The following STK32B variants were observed in gnomAD, a reference collection of about 807,000 sequenced individuals.
STK32B encodes serine/threonine kinase 32B.
In STK32B, 43 loss-of-function variants were observed where a neutral mutation model predicts 52.6. That is an observed-to-expected ratio of 0.82 (90% confidence interval 0.64 to 1.05). The LOEUF is 1.05. Ranked by LOEUF, STK32B falls within the 50% of genes least tolerant of loss-of-function variation. The pLI is 0.00. For missense variants in STK32B, 621 were observed against 534.6 expected, an observed-to-expected ratio of 1.16 and a Z score of -1.59; for synonymous variants, 238 against 204.3, an observed-to-expected ratio of 1.17 and a Z score of -1.41.
intron 3 of STK32B, among the ~76,000 whole-genome samples, chr4:5,170,159 G>T (rs989811168): frequency 6.6e-6 from 1 of 152,156 alleles, no homozygotes; most frequent in Non-Finnish European, 1.5e-5. Context: ...ATACTGCTGA[G>T]ATGATTATCT....
chr4:5,278,778 TGGGAAGACCTCA>T (rs1489770578), intron 3 of STK32B, among the ~76,000 whole-genome samples: 1 of 152,114 alleles, frequency 6.6e-6, no homozygotes, highest in Non-Finnish European at 1.5e-5. Context: ...GAAGCATGGC[TGGGAAGACCTCA>T]GGAAGCTTAC....
At chr4:5,216,864 GCT>G (rs141809967) in intron 3 of STK32B, among the ~76,000 whole-genome samples, 6,766 of 152,280 alleles carry the variant, frequency 0.044, 151 homozygotes, top group African/African-American at 0.063. Context: ...GTCTTATTTG[GCT>G]CTGTTTCCAG....
chr4:5,283,524 G>T (rs897104931), intron 3 of STK32B, among the ~76,000 whole-genome samples: 9 of 151,988 alleles, frequency 5.9e-5, no homozygotes, highest in Non-Finnish European at 1.2e-4. Context: ...ATCCAAAGAG[G>T]AATTCACCAA....
At chr4:5,103,368 A>T (rs1467370400) in intron 1 of STK32B, among the ~76,000 whole-genome samples, 1 of 152,110 alleles carries the variant, frequency 6.6e-6, no homozygotes, top group African/African-American at 2.4e-5. Flanking sequence ...AATGTTATAT[A>T]ACCCAGAAGG....
intron 3 of STK32B, among the ~76,000 whole-genome samples, chr4:5,320,129 C>T (rs1279803883): frequency 6.6e-6 from 1 of 152,116 alleles, no homozygotes; most frequent in Non-Finnish European, 1.5e-5. Flanking sequence ...AATCCCTCCC[C>T]TTTTTTGATA....
intron 3 of STK32B, among the ~76,000 whole-genome samples, chr4:5,221,010 A>G (rs143000360): frequency 5.2e-4 from 79 of 152,254 alleles, no homozygotes; most frequent in African/African-American, 1.9e-3. Flanking sequence ...TATCTAACAT[A>G]ACTTAGTGTC....
At chr4:5,060,725 A>G (rs1366311211) in intron 1 of STK32B, among the ~76,000 whole-genome samples, 1 of 152,050 alleles carries the variant, frequency 6.6e-6, no homozygotes, top group Non-Finnish European at 1.5e-5. Context: ...TTCACTTTGT[A>G]CTTGTCTGAA....
At chr4:5,123,831 A>G (rs778404112) in intron 1 of STK32B, among the ~76,000 whole-genome samples, 2 of 125,574 alleles carry the variant, frequency 1.6e-5, no homozygotes, top group African/African-American at 2.9e-5. Context: ...AATTTGATCC[A>G]TGACAACTAT....
chr4:5,416,616 C>T (rs2109070951), intron 5 of STK32B, among the ~76,000 whole-genome samples: 1 of 152,304 alleles, frequency 6.6e-6, no homozygotes, highest in South Asian at 2.1e-4. Context: ...AAAAATGTAT[C>T]CTGCCCCTCA....
At chr4:5,463,653 A>G (rs1717209503) in intron 9 of STK32B, among the ~76,000 whole-genome samples, 1 of 151,968 alleles carries the variant, frequency 6.6e-6, no homozygotes, top group Non-Finnish European at 1.5e-5. Flanking sequence ...ATACAAACAC[A>G]CACACACACA....
At chr4:5,293,539 A>C (rs1729016273) in intron 3 of STK32B, among the ~76,000 whole-genome samples, 2 of 152,154 alleles carry the variant, frequency 1.3e-5, no homozygotes, top group African/African-American at 2.4e-5. Flanking sequence ...TCTAATGACC[A>C]GTGATAATGA....
chr4:5,103,889 ATAGT>A (rs1020488524), intron 1 of STK32B, among the ~76,000 whole-genome samples: 11 of 152,188 alleles, frequency 7.2e-5, no homozygotes, highest in African/African-American at 1.2e-4. Context: ...CTCCTGTGAA[ATAGT>A]TAGAGTTCAC....
intron 3 of STK32B, among the ~76,000 whole-genome samples, chr4:5,280,072 T>C (rs1444306948): frequency 6.6e-6 from 1 of 152,254 alleles, no homozygotes. Flanking sequence ...CTTATGCACA[T>C]TTCTGAGCCT....
intron 6 of STK32B, chr4:5,427,113 T>C (rs1713172353): frequency 6.6e-6 from 1 of 152,208 alleles, no homozygotes; most frequent in South Asian, 2.1e-4. Flanking sequence ...CGTAAATGCA[T>C]GTTGAATTTG....
intron 3 of STK32B, among the ~76,000 whole-genome samples, chr4:5,309,552 A>G (rs548804153): frequency 2.6e-5 from 4 of 152,350 alleles, no homozygotes; most frequent in Non-Finnish European, 5.9e-5. Flanking sequence ...CCAATGGAGC[A>G]GAATAGAGAA....
At chr4:5,342,311 C>G (rs186617701) in intron 4 of STK32B, among the ~76,000 whole-genome samples, 10 of 152,274 alleles carry the variant, frequency 6.6e-5, no homozygotes. Flanking sequence ...AAATATCCAT[C>G]AATGGTAGAC....
intron 11 of STK32B, among the ~76,000 whole-genome samples, chr4:5,476,707 C>T (rs1213047167): frequency 6.6e-6 from 1 of 151,890 alleles, no homozygotes; most frequent in Non-Finnish European, 1.5e-5. Flanking sequence ...TATTTGGAAA[C>T]AGGGTTTTTG....
intron 4 of STK32B, among the ~76,000 whole-genome samples, chr4:5,337,984 C>G (rs1732818398): frequency 6.6e-6 from 1 of 152,042 alleles, no homozygotes; most frequent in Non-Finnish European, 1.5e-5. Context: ...CCAGGGAAAG[C>G]CTGGAGTTTG....
At chr4:5,404,797 G>T (rs1257058874) in intron 5 of STK32B, among the ~76,000 whole-genome samples, 17 of 151,406 alleles carry the variant, frequency 1.1e-4, no homozygotes, top group Admixed American at 5.9e-4. Context: ...TTGGACTTTG[G>T]TATGTGAATT....
Sources: allele counts gnomAD v4.1 joint callset (sites outside exome capture counted in the v4.1 genomes callset), GRCh38; gene constraint gnomAD v4.1.1; transcripts MANE v1.5; gene names NCBI Gene and HGNC (gene_info 2026-07-23, HGNC 2026-07-21).